Variants in GALNT17 observed in about 807,000 individuals in gnomAD.
GALNT17 encodes polypeptide N-acetylgalactosaminyltransferase 17.
A neutral mutation model predicts 63.7 loss-of-function variants in GALNT17; 29 were observed. The ratio of observed to expected loss-of-function variants is 0.46; its 90% confidence interval spans 0.34 to 0.62. GALNT17 has a LOEUF of 0.62. Among genes scored for constraint, GALNT17 ranks in the 20% least tolerant of loss-of-function variants. The pLI is 0.01. For missense variants in GALNT17, 603 were observed against 799.6 expected (o/e 0.75, Z 2.97); for synonymous variants, 305 against 318.3 (o/e 0.96, Z 0.45).
chr7:71,443,438 ACCC>A (rs1270734090), intron 5 of GALNT17, among the ~76,000 whole-genome samples: 1 of 152,002 alleles, frequency 6.6e-6, no homozygotes, highest in African/African-American at 2.4e-5. Flanking sequence ...ATGGGGACAG[ACCC>A]CTCATGAATG....
At position 71,255,270 on chromosome 7, in the gene GALNT17, C is replaced by T. The variant is rs546805513; in HGVS notation, c.239-80280C>T. On this transcript the variant is annotated intron_variant, in intron 1 of 10. Coordinates refer to ENST00000333538, the MANE Select transcript of GALNT17 (RefSeq NM_022479.3). ...GGGTGGGTCTTTCTCGTGCTGTTCT[C>T]GTGATAGTGAATAAGTCTCATGAGA... is the stretch of plus-strand genomic sequence containing the variant. 3.3e-5 allele frequency among the ~76,000 whole-genome samples: 5 copies of T among 152,220 alleles called. No individual in the cohort carries two copies. The East Asian group carries it at 7.7e-4, about 23-fold the overall frequency.
chr7:71,140,732 A>G (rs938499204), intron 1 of GALNT17, among the ~76,000 whole-genome samples: 2 of 152,188 alleles, frequency 1.3e-5, no homozygotes, highest in East Asian at 3.9e-4. Flanking sequence ...TTAAGAATAT[A>G]TAAGAAGAAC....
intron 6 of GALNT17, among the ~76,000 whole-genome samples, chr7:71,657,534 T>C (rs1187955171): frequency 6.6e-6 from 1 of 152,142 alleles, no homozygotes; most frequent in African/African-American, 2.4e-5. Context: ...GCCTGGGCAG[T>C]ACCTGGCACC....
chr7:71,282,139 T>G (rs1480807772), intron 1 of GALNT17, among the ~76,000 whole-genome samples: 1 of 152,184 alleles, frequency 6.6e-6, no homozygotes, highest in African/African-American at 2.4e-5. Context: ...GGACGCTGCA[T>G]GAAATCCCAA....
intron 8 of GALNT17, among the ~76,000 whole-genome samples, chr7:71,674,057 T>C (rs1263109817): frequency 1.3e-5 from 2 of 152,218 alleles, no homozygotes; most frequent in African/African-American, 4.8e-5. Context: ...ATTGTGATCA[T>C]AGTCTGATTA....
chr7:71,230,781 G>A (rs976482154), intron 1 of GALNT17, among the ~76,000 whole-genome samples: 4 of 152,130 alleles, frequency 2.6e-5, no homozygotes, highest in Admixed American at 1.3e-4. Context: ...GATCCCCTTC[G>A]TGAGCATGCT....
At chr7:71,711,957 C>T in intron 10 of GALNT17, 61 bp from the exon 11 acceptor site, 1 of 1,567,446 alleles carries the variant, frequency 6.4e-7, no homozygotes, top group East Asian at 2.3e-5. Flanking sequence ...CTCTCTATAT[C>T]TCTCGCTGTC....
At chr7:71,352,329 A>G (rs1398118239) in intron 2 of GALNT17, among the ~76,000 whole-genome samples, 1 of 152,184 alleles carries the variant, frequency 6.6e-6, no homozygotes, top group Non-Finnish European at 1.5e-5. Flanking sequence ...TAAATTACTC[A>G]GACTCAGGTA....
At chr7:71,588,276 T>C (rs1185367974) in intron 6 of GALNT17, among the ~76,000 whole-genome samples, 2 of 152,244 alleles carry the variant, frequency 1.3e-5, no homozygotes, top group African/African-American at 4.8e-5. Context: ...CTTATTGACA[T>C]CATTTCTTAT....
chr7:71,614,610 C>A (rs999861644), intron 6 of GALNT17, among the ~76,000 whole-genome samples: 1 of 141,130 alleles, frequency 7.1e-6, no homozygotes, highest in African/African-American at 2.7e-5. Flanking sequence ...CAGAGTGAGA[C>A]CTTTTCTCAA....
intron 6 of GALNT17, among the ~76,000 whole-genome samples, chr7:71,572,279 G>T (rs1192413982): frequency 1.3e-5 from 2 of 148,342 alleles, no homozygotes; most frequent in Non-Finnish European, 3.0e-5. Context: ...AATCAGGGGG[G>T]TCACTTGAGC....
intron 3 of GALNT17, among the ~76,000 whole-genome samples, chr7:71,413,951 C>A (rs1793477943): frequency 6.6e-6 from 1 of 152,034 alleles, no homozygotes; most frequent in African/African-American, 2.4e-5. Context: ...CTTTATAAAT[C>A]ATTTTGGTGG....
intron 2 of GALNT17, among the ~76,000 whole-genome samples, chr7:71,370,907 G>C (rs1440733601): frequency 2.0e-5 from 3 of 150,672 alleles, no homozygotes; most frequent in Non-Finnish European, 4.4e-5. Context: ...TGCCTCGTCT[G>C]ACTTTATGTT....
intron 5 of GALNT17, among the ~76,000 whole-genome samples, chr7:71,547,102 G>A (rs776041286): frequency 4.0e-5 from 6 of 148,974 alleles, no homozygotes; most frequent in Admixed American, 6.7e-5. Flanking sequence ...AGTGATTCTC[G>A]TGCCTCAGCC....
intron 5 of GALNT17, among the ~76,000 whole-genome samples, chr7:71,423,178 G>C (rs1020687234): frequency 2.6e-5 from 4 of 152,204 alleles, no homozygotes; most frequent in Non-Finnish European, 2.9e-5. Flanking sequence ...TGCGAAAACA[G>C]AAATACCTGT....
intron 5 of GALNT17, among the ~76,000 whole-genome samples, chr7:71,537,781 C>T (rs1183205078): frequency 4.6e-5 from 7 of 152,064 alleles, no homozygotes; most frequent in African/African-American, 1.4e-4. Context: ...GCACTGCAAT[C>T]CAGCCTGAGG....
chr7:71,181,684 CTT>C (rs1788737956), intron 1 of GALNT17, among the ~76,000 whole-genome samples: 1 of 151,194 alleles, frequency 6.6e-6, no homozygotes, highest in African/African-American at 2.4e-5. Context: ...CCCTAGGTAA[CTT>C]AGCAAGATCC....
At chr7:71,405,945 C>T (rs2116402076) in intron 3 of GALNT17, among the ~76,000 whole-genome samples, 1 of 152,320 alleles carries the variant, frequency 6.6e-6, no homozygotes, top group Middle Eastern at 3.4e-3. Context: ...CGTGCCTTTA[C>T]CTCACAGAGT....
chr7:71,165,317 T>C (rs1348630568), intron 1 of GALNT17, among the ~76,000 whole-genome samples: 1 of 152,206 alleles, frequency 6.6e-6, no homozygotes, highest in African/African-American at 2.4e-5. Flanking sequence ...AGATATGTAT[T>C]AGTCTGTTTT....
Sources: allele counts gnomAD v4.1 joint callset (sites outside exome capture counted in the v4.1 genomes callset), GRCh38; gene constraint gnomAD v4.1.1; transcripts MANE v1.5; gene names NCBI Gene and HGNC (gene_info 2026-07-23, HGNC 2026-07-21).